SQLE: variants seen among roughly 807,000 people sequenced by gnomAD.
The protein encoded by SQLE is squalene epoxidase.
Under a neutral mutation model 60.7 loss-of-function variants are expected in SQLE, and 29 were observed. That is an observed-to-expected ratio of 0.48 (90% CI 0.36 to 0.65). SQLE has a LOEUF of 0.65. Among genes scored for constraint, SQLE ranks in the 30% least tolerant of loss-of-function variants. SQLE has a pLI of 0.00. For missense variants in SQLE, 605 were observed against 684.1 expected (o/e 0.88, Z 1.29); for synonymous variants, 237 against 246.8 (o/e 0.96, Z 0.37).
intron 7 of SQLE, 135 bp downstream of exon 7, chr8:125,011,767 A>T: frequency 2.7e-6 from 2 of 731,116 alleles, no homozygotes; most frequent in East Asian, 2.8e-5. Context: ...TTAATACCAA[A>T]ATTAGTTTTA....
intron 3 of SQLE, among the ~76,000 whole-genome samples, chr8:125,006,906 T>C (rs1282868657): frequency 1.3e-5 from 2 of 152,034 alleles, no homozygotes; most frequent in East Asian, 2.0e-4. Context: ...GGTTTCACCA[T>C]GTTGGCCAGG....
intron 1 of SQLE, among the ~76,000 whole-genome samples, chr8:125,000,586 T>C (rs542868778): frequency 2.6e-5 from 4 of 152,104 alleles, no homozygotes; most frequent in African/African-American, 9.6e-5. Context: ...GAGCTGGGAT[T>C]ACAGGTGCAC....
In SQLE at chr8:125,021,885, C is replaced by T. The variant is rs1586322313; in HGVS notation, c.1665C>T (p.Tyr555=). The T allele has an allele frequency of 6.2e-7, 1 of 1,610,568 alleles. No homozygotes were observed. The highest frequency in any genetic ancestry group is 8.5e-7 in the Non-Finnish European group (1 of 1,178,130). ...RALLSSGAVL[Y]KACSVIFPLI... ...TTCTCAGTAGTGGTGCTGTATTGTACAAAGCGTGTTCTGTAATATTTCCTC... is the reference window on the plus strand; with the variant it reads ...TTCTCAGTAGTGGTGCTGTATTGTATAAAGCGTGTTCTGTAATATTTCCTC... The change falls in exon 11 of 11, where the codon TAC becomes TAT. Residue 555 remains tyrosine, a synonymous_variant. Transcript: ENST00000265896.
chr8:125,003,176 C>A lies in SQLE; in HGVS notation c.292C>A (p.Arg98Ser). Residue 98 changes from arginine (R) to serine (S), a missense_variant and splice_region_variant, in exon 2 of 11, where the codon CGC becomes AGC. By Grantham distance (110) the Arg-to-Ser change is moderately radical. Coordinates refer to ENST00000265896, the MANE Select transcript of SQLE (RefSeq NM_003129.4). ...AGTTTACCTTTTTTTTTTTAAACAG[C>A]GCAGAAAAGGAACCAATATTTCAGA... ...ENKEQLEARR[R>S]RKGTNISETS... The A allele has an allele frequency of 6.3e-7, 1 of 1,594,564 alleles. No homozygotes were observed. Among genetic ancestry groups the A allele is most frequent in the Non-Finnish European group, 8.5e-7 (1 of 1,172,222 alleles).
At chr8:125,009,534 G>A (rs904102890) in intron 6 of SQLE, among the ~76,000 whole-genome samples, 191 bp downstream of exon 6, 2 of 152,174 alleles carry the variant, frequency 1.3e-5, no homozygotes, top group Non-Finnish European at 2.9e-5. Flanking sequence ...AGTAGGTCAT[G>A]CCTGTAATCC....
chr8:125,000,656 G>A (rs1306793049), intron 1 of SQLE, among the ~76,000 whole-genome samples: 1 of 151,722 alleles, frequency 6.6e-6, no homozygotes, highest in Non-Finnish European at 1.5e-5. Flanking sequence ...GTTTCACCAT[G>A]TTGGCCAGGC....
chr8:125,006,400 C>A (rs1004051215), intron 3 of SQLE, among the ~76,000 whole-genome samples: 3 of 151,956 alleles, frequency 2.0e-5, no homozygotes, highest in African/African-American at 7.2e-5. Context: ...GTGGGCAGAT[C>A]ACGAGGTCAG....
rs766260247 is a variant in SQLE at position 124,999,388 on chromosome 8, A to G, written c.-16A>G. 2 of 1,482,860 alleles carry G rather than the reference A, an allele frequency of 1.3e-6. No homozygotes were observed. The highest frequency in any genetic ancestry group is 1.8e-6 in the Non-Finnish European group (2 of 1,115,802). The allele number at this position is 1,482,860 out of a possible 1,614,324, so 91.9% of individuals were successfully genotyped here. A position where few individuals can be genotyped will look rare whatever the true frequency, so the allele number is the denominator to read the frequency against. On this transcript the variant is annotated 5_prime_UTR_variant, in exon 1 of 11. Transcript: ENST00000265896. ...ATCTCCGCCTTGACCGGTGCCACCAAAGAAGCCTTGGAACCATGTGGACTT... is the reference window on the plus strand; with the variant it reads ...ATCTCCGCCTTGACCGGTGCCACCAGAGAAGCCTTGGAACCATGTGGACTT...
chr8:125,005,450 G>A (rs1223097845), intron 2 of SQLE, 75 bp from the exon 3 acceptor site: 16 of 1,312,984 alleles, frequency 1.2e-5, no homozygotes, highest in Non-Finnish European at 1.6e-5. Flanking sequence ...TGATGTGTGT[G>A]TGTCTTCTTT....
chr8:125,017,220 C>T (rs768451357), intron 7 of SQLE, among the ~76,000 whole-genome samples: 2 of 152,064 alleles, frequency 1.3e-5, no homozygotes, highest in Non-Finnish European at 2.9e-5. Context: ...CTCCTGGGGG[C>T]CCAGGACTGG....
At position 125,018,136 on chromosome 8, in the gene SQLE, A is replaced by C; in HGVS notation, c.1282A>C (p.Ile428Leu). ...GGGMTVAFKDIKLWRKLLKGI... is the reference protein window; with the variant it reads ...GGGMTVAFKDLKLWRKLLKGI... ...AGGAATGACTGTTGCTTTTAAAGAT[A>C]TAAAACTATGGAGAAAACTGCTAAA... Residue 428 changes from isoleucine to leucine, a missense_variant, in exon 8 of 11, where the codon ATA (isoleucine) becomes CTA (leucine). Coordinates refer to ENST00000265896, the MANE Select transcript of SQLE (RefSeq NM_003129.4). The C allele has an allele frequency of 6.2e-7, 1 of 1,613,926 alleles. No homozygotes were observed. Among genetic ancestry groups the C allele is most frequent in the Non-Finnish European group, 8.5e-7 (1 of 1,179,832 alleles).
intron 3 of SQLE, 88 bp downstream of exon 3, chr8:125,005,793 A>T: frequency 8.2e-7 from 1 of 1,223,692 alleles, no homozygotes; most frequent in Non-Finnish European, 1.1e-6. Flanking sequence ...ATAAATTTTA[A>T]TGAATTTTTG....
rs550890517 is a variant in SQLE at position 124,998,786 on chromosome 8, C to G, written c.-618C>G. On this transcript the variant is annotated 5_prime_UTR_variant, in exon 1 of 11. In the 5' UTR this introduces an upstream ATG that the reference lacks. Coordinates refer to ENST00000265896, the MANE Select transcript of SQLE (RefSeq NM_003129.4). ...GCCGCACTCTTGAGTCCGAGGCCAT[C>G]TTTTGTTGGAGAAGGCGTCGGCGTT... is the stretch of plus-strand genomic sequence containing the variant. 1 of 492,934 alleles carries G rather than the reference C, an allele frequency of 2.0e-6. No individual in the cohort carries two copies. The highest frequency in any genetic ancestry group is 2.0e-5 in the African/African-American group (1 of 49,074). 30.5% of individuals were successfully genotyped at this position (492,934 alleles called of 1,614,324 possible).
rs535864639 is a variant in SQLE at position 125,016,567 on chromosome 8, G to C, written c.1205-1492G>C. ...AACAGCTATTTTGAATTCTCTGAAA[G>C]CTCACATCTCTGTTACTCTGGGATT... On this transcript the variant is annotated intron_variant, in intron 7 of 10. Coordinates refer to ENST00000265896, the MANE Select transcript of SQLE (RefSeq NM_003129.4). This position sits in a 1 kb window ranked among gnomAD's most constrained non-coding sequence, Gnocchi z 4.1. Among the ~76,000 whole-genome samples, 2 of 152,164 alleles carry C rather than the reference G, an allele frequency of 1.3e-5. No individual in the cohort carries two copies. The highest frequency in any genetic ancestry group is 2.9e-5 in the Non-Finnish European group (2 of 68,000).
intron 9 of SQLE, among the ~76,000 whole-genome samples, chr8:125,019,724 C>T (rs1381187125): frequency 2.0e-5 from 3 of 152,220 alleles, no homozygotes; most frequent in African/African-American, 7.2e-5. Flanking sequence ...TATGCCACTA[C>T]TCTAGTATAT....
At chr8:125,015,687 T>G (rs972216132) in intron 7 of SQLE, among the ~76,000 whole-genome samples, 1 of 152,198 alleles carries the variant, frequency 6.6e-6, no homozygotes, top group African/African-American at 2.4e-5. Flanking sequence ...CTTTTTAACT[T>G]TTGTGAGTTT....
chr8:125,013,064 A>G (rs1211561005), intron 7 of SQLE, among the ~76,000 whole-genome samples: 1 of 152,200 alleles, frequency 6.6e-6, no homozygotes, highest in East Asian at 1.9e-4. Flanking sequence ...AGAAATGTAT[A>G]TTTAGACTTT....
chr8:125,021,388 A>T, intron 10 of SQLE, among the ~76,000 whole-genome samples: 1 of 152,082 alleles, frequency 6.6e-6, no homozygotes, highest in East Asian at 1.9e-4. Context: ...CCTACATCCC[A>T]ACAGACCAGG....
rs751476451 is a variant in SQLE, at chr8:125,005,552, T to C, written c.572T>C (p.Val191Ala). 4 of 1,606,240 alleles carry C rather than the reference T, an allele frequency of 2.5e-6. No homozygotes were observed. The highest frequency in any genetic ancestry group is 1.1e-5 in the South Asian group (1 of 89,918). ...ACAGTGGAAGGTCTTGATGCCCAGG[T>C]TGTAAATGGTTACATGATTCATGAT... is the stretch of plus-strand genomic sequence containing the variant. ...GDTVEGLDAQ[V>A]VNGYMIHDQE... Residue 191 changes from valine to alanine, a missense_variant, in exon 3 of 11, where the codon GTT (valine) becomes GCT (alanine). By Grantham distance (64) the Val-to-Ala change is moderately conservative (BLOSUM62 0). Transcript: ENST00000265896.
Sources: allele counts gnomAD v4.1 joint callset (sites outside exome capture counted in the v4.1 genomes callset), GRCh38; gene constraint gnomAD v4.1.1; non-coding constraint Gnocchi (gnomAD v3.1); transcripts MANE v1.5; gene names NCBI Gene and HGNC (gene_info 2026-07-23, HGNC 2026-07-21).